FRMD4A: variants seen among roughly 807,000 people sequenced by gnomAD.
FRMD4A encodes FERM domain containing 4A, also known as FERM domain-containing protein 4A.
In FRMD4A, 29 loss-of-function variants were observed where a neutral mutation model predicts 129.1. The ratio of observed to expected loss-of-function variants is 0.22; its 90% confidence interval spans 0.17 to 0.31. The LOEUF (loss-of-function observed/expected upper bound fraction) is 0.31, where lower values mean the gene tolerates loss of function less well. Among genes scored for constraint, FRMD4A ranks in the 10% least tolerant of loss-of-function variants. The probability of loss-of-function intolerance (pLI) is 1.00; values close to 1 mark genes in which losing one functional copy is unlikely to be tolerated. For missense variants in FRMD4A, 1,272 were observed against 1,375.8 expected (o/e 0.92, Z 1.19); for synonymous variants, 634 against 571.6 (o/e 1.11, Z -1.56).
At chr10:14,113,677 C>T (rs1421623693) in intron 2 of FRMD4A, among the ~76,000 whole-genome samples, 1 of 152,124 alleles carries the variant, frequency 6.6e-6, no homozygotes, top group Non-Finnish European at 1.5e-5. Flanking sequence ...TTATTTGTTG[C>T]TTATTTCTTC....
At chr10:14,219,217 A>T (rs762817213) in intron 2 of FRMD4A, among the ~76,000 whole-genome samples, 11 of 152,126 alleles carry the variant, frequency 7.2e-5, no homozygotes, top group Non-Finnish European at 1.3e-4. Flanking sequence ...GCACTAGGGT[A>T]GGTTCCCTTT....
At chr10:14,209,539 G>C (rs1842877852) in intron 2 of FRMD4A, among the ~76,000 whole-genome samples, 1 of 151,890 alleles carries the variant, frequency 6.6e-6, no homozygotes, top group African/African-American at 2.4e-5. Context: ...GGCTAACATG[G>C]TGAAACCCCG....
intron 12 of FRMD4A, among the ~76,000 whole-genome samples, chr10:13,725,683 G>A (rs971391027): frequency 8.5e-5 from 13 of 152,152 alleles, no homozygotes; most frequent in African/African-American, 3.1e-4. Context: ...GGCCTTCCCA[G>A]GGCCCTGTGG....
At chr10:13,785,661 A>G (rs1405618047) in intron 5 of FRMD4A, among the ~76,000 whole-genome samples, 3 of 152,020 alleles carry the variant, frequency 2.0e-5, no homozygotes, top group Admixed American at 6.6e-5. Context: ...TAGGGTACAC[A>G]TGCACAACGT....
At chr10:14,330,211 C>G (rs529030779) in intron 1 of FRMD4A, 28 bp from the exon 2 acceptor site, 1 of 1,141,046 alleles carries the variant, frequency 8.8e-7, no homozygotes, top group Non-Finnish European at 1.3e-6. Context: ...AAAATCCAGA[C>G]TTAGGGAGCA....
At chr10:13,969,796 G>A (rs541674891) in intron 2 of FRMD4A, among the ~76,000 whole-genome samples, 12 of 152,322 alleles carry the variant, frequency 7.9e-5, no homozygotes, top group Admixed American at 4.6e-4. Context: ...GCAATGAGTC[G>A]TGATTGCACC....
intron 13 of FRMD4A, among the ~76,000 whole-genome samples, chr10:13,706,568 T>C (rs1439391398): frequency 1.3e-5 from 2 of 152,306 alleles, no homozygotes; most frequent in Middle Eastern, 3.4e-3. Context: ...GCACAACTGC[T>C]TTGGTGACAA....
At chr10:14,210,452 T>C (rs1842904752) in intron 2 of FRMD4A, among the ~76,000 whole-genome samples, 1 of 152,170 alleles carries the variant, frequency 6.6e-6, no homozygotes, top group Non-Finnish European at 1.5e-5. Context: ...AACAAACTAA[T>C]ATAACCCCTG....
intron 2 of FRMD4A, among the ~76,000 whole-genome samples, chr10:14,002,104 C>A (rs554394394): frequency 1.7e-4 from 26 of 152,236 alleles, no homozygotes; most frequent in African/African-American, 5.8e-4. Context: ...GGTACAAAAA[C>A]GTTTAATTTA....
At chr10:13,894,101 A>G (rs10437553) in intron 2 of FRMD4A, among the ~76,000 whole-genome samples, 3,641 of 152,086 alleles carry the variant, frequency 0.024, 137 homozygotes, top group East Asian at 0.17. Flanking sequence ...CCTCATGAAA[A>G]GTCATGAGGG....
At chr10:14,228,008 C>T (rs781431226) in intron 2 of FRMD4A, among the ~76,000 whole-genome samples, 7 of 152,136 alleles carry the variant, frequency 4.6e-5, no homozygotes, top group African/African-American at 1.7e-4. Context: ...CAAGGAGCTG[C>T]GACTACAGGT....
intron 2 of FRMD4A, among the ~76,000 whole-genome samples, chr10:14,116,785 T>C (rs557984258): frequency 1.3e-5 from 2 of 152,372 alleles, no homozygotes; most frequent in African/African-American, 4.8e-5. Context: ...CCTGCCATAA[T>C]TTTTCCTTGC....
chr10:13,659,606 A>G, intron 20 of FRMD4A, 116 bp from the exon 21 acceptor site: 1 of 1,038,908 alleles, frequency 9.6e-7, no homozygotes, highest in Non-Finnish European at 1.4e-6. Flanking sequence ...CGTGACTCCC[A>G]CCTCGCTTGG....
rs751968748 is a variant in FRMD4A, at chr10:13,660,519, T to C, written c.1695A>G (p.Leu565=). 1.2e-6 allele frequency: 2 copies of C among 1,612,876 alleles called. No homozygotes were observed. The highest frequency in any genetic ancestry group is 1.7e-6 in the Non-Finnish European group (2 of 1,179,050). Residue 565 remains leucine (L), a synonymous_variant, in exon 20 of 25, where the codon CTA becomes CTG. Transcript: ENST00000357447. ...GAGGGAGTCCCTTGTGAGGAGAATG[T>C]AGGGGGGATATTGTGCTGGTAACCT... ...DSQVTSTISP[L]HSPHKGLPPR...
intron 2 of FRMD4A, among the ~76,000 whole-genome samples, chr10:14,045,676 A>C (rs1413371526): frequency 2.1e-5 from 3 of 141,798 alleles, no homozygotes; most frequent in African/African-American, 7.9e-5. Flanking sequence ...TCATATTTAT[A>C]TTATATTATA....
At chr10:13,707,512 CG>C (rs1422285833) in intron 12 of FRMD4A, 1 of 1,007,982 alleles carries the variant, frequency 9.9e-7, no homozygotes, top group Non-Finnish European at 1.2e-6. Flanking sequence ...GGGAGAGGAG[CG>C]AGAGGAGCGA....
intron 3 of FRMD4A, among the ~76,000 whole-genome samples, chr10:13,847,800 A>G (rs1181112939): frequency 6.6e-6 from 1 of 152,234 alleles, no homozygotes; most frequent in African/African-American, 2.4e-5. Context: ...CTAGACAGGA[A>G]CTCCTAACCC....
chr10:13,750,084 G>GAAAGAAAT (rs1427888013), intron 8 of FRMD4A, among the ~76,000 whole-genome samples: 2 of 74,846 alleles, frequency 2.7e-5, no homozygotes, highest in Non-Finnish European at 5.5e-5. Flanking sequence ...AAGAAAGAAA[G>GAAAGAAAT]AAAGAAAGAA....
chr10:13,925,566 CTTTTTTTTTTTTT>C (rs66980805), intron 2 of FRMD4A, among the ~76,000 whole-genome samples: 66 of 61,934 alleles, frequency 1.1e-3, no homozygotes, highest in African/African-American at 4.2e-3. Flanking sequence ...TAGTGAAACG[CTTTTTTTTTTTTT>C]TTTTTTTTTT....
Sources: allele counts gnomAD v4.1 joint callset (sites outside exome capture counted in the v4.1 genomes callset), GRCh38; gene constraint gnomAD v4.1.1; transcripts MANE v1.5; gene names NCBI Gene and HGNC (gene_info 2026-07-23, HGNC 2026-07-21).